The following VRK2 variants were observed in gnomAD, a reference collection of about 807,000 sequenced individuals.
VRK2 encodes the protein VRK serine/threonine kinase 2.
Under a neutral mutation model 57.6 loss-of-function variants are expected in VRK2, and 60 were observed. The ratio of observed to expected loss-of-function variants is 1.04; its 90% CI spans 0.85 to 1.29. The LOEUF (loss-of-function observed/expected upper bound fraction) is 1.29. Among genes scored for constraint, VRK2 ranks in the 50% most tolerant of loss-of-function variants. The pLI is 0.00. For synonymous variants in VRK2, 231 were observed against 199.2 expected (o/e 1.16, Z -1.35); for missense variants, 705 against 588.1 (o/e 1.20, Z -2.06).
At chr2:58,107,148 C>T (rs1337098430) in intron 7 of VRK2, among the ~76,000 whole-genome samples, 2 of 150,438 alleles carry the variant, frequency 1.3e-5, no homozygotes, top group African/African-American at 2.4e-5. Flanking sequence ...AGATTTTTGC[C>T]TTATGGTATC....
At chr2:58,130,237 A>C (rs533046297) in intron 8 of VRK2, among the ~76,000 whole-genome samples, 1 of 152,260 alleles carries the variant, frequency 6.6e-6, no homozygotes, top group East Asian at 1.9e-4. Context: ...CATTTTTTGA[A>C]AATTAGAGGA....
intron 7 of VRK2, among the ~76,000 whole-genome samples, chr2:58,104,466 C>CTTTTT (rs943176330): frequency 6.7e-6 from 1 of 150,216 alleles, no homozygotes; most frequent in African/African-American, 2.5e-5. Flanking sequence ...TTTACAGTAA[C>CTTTTT]TAAAAAAATG....
At chr2:57,948,002 T>G (rs994339976) in intron 1 of VRK2, among the ~76,000 whole-genome samples, 1 of 152,218 alleles carries the variant, frequency 6.6e-6, no homozygotes, top group African/African-American at 2.4e-5. Flanking sequence ...AGAGAAATTC[T>G]GACCCATCAC....
At chr2:58,018,499 TTA>T (rs1482810726) in intron 1 of VRK2, among the ~76,000 whole-genome samples, 1 of 152,192 alleles carries the variant, frequency 6.6e-6, no homozygotes, top group East Asian at 1.9e-4. Flanking sequence ...TTCCTCAAAT[TTA>T]TATTTCAAAA....
intron 3 of VRK2, among the ~76,000 whole-genome samples, chr2:58,037,411 C>T (rs1044496646): frequency 6.6e-6 from 1 of 151,944 alleles, no homozygotes; most frequent in African/African-American, 2.4e-5. Flanking sequence ...ACTGAAAGAC[C>T]TTAGAATCTG....
intron 1 of VRK2, among the ~76,000 whole-genome samples, chr2:58,004,240 A>C (rs1389352982): frequency 6.6e-6 from 1 of 152,032 alleles, no homozygotes; most frequent in Non-Finnish European, 1.5e-5. Flanking sequence ...TGGGACTATA[A>C]TATGCTTTTA....
chr2:58,023,617 C>T (rs1266023324), intron 1 of VRK2, among the ~76,000 whole-genome samples: 1 of 152,116 alleles, frequency 6.6e-6, no homozygotes, highest in African/African-American at 2.4e-5. Flanking sequence ...AATAAAATGT[C>T]TGCAATTAAA....
At chr2:58,001,162 C>A (rs914863670) in intron 1 of VRK2, among the ~76,000 whole-genome samples, 14 of 152,086 alleles carry the variant, frequency 9.2e-5, no homozygotes, top group African/African-American at 3.4e-4. Flanking sequence ...GTAGGATAAA[C>A]CGAACTATTT....
At chr2:57,928,685 G>A (rs1670621287) in intron 1 of VRK2, among the ~76,000 whole-genome samples, 1 of 152,062 alleles carries the variant, frequency 6.6e-6, no homozygotes, top group East Asian at 1.9e-4. Flanking sequence ...TCTTTGGAAG[G>A]CTTTCTCAGT....
chr2:58,055,643 C>T (rs1676408721), intron 2 of VRK2, among the ~76,000 whole-genome samples: 1 of 152,160 alleles, frequency 6.6e-6, no homozygotes, highest in Non-Finnish European at 1.5e-5. Context: ...AGATCTTCAA[C>T]CTGCTGCAGT....
intron 1 of VRK2, among the ~76,000 whole-genome samples, chr2:57,913,062 C>G (rs542442231): frequency 1.3e-5 from 2 of 152,276 alleles, no homozygotes; most frequent in East Asian, 3.9e-4. Flanking sequence ...TCTCAGCCAG[C>G]AGGACTGTGA....
chr2:58,083,950 C>G, intron 2 of VRK2, 139 bp from the exon 3 acceptor site: 2 of 813,356 alleles, frequency 2.5e-6, no homozygotes, highest in Non-Finnish European at 1.8e-6. Flanking sequence ...ATGATTGATT[C>G]CTACTACCAT....
chr2:58,041,279 A>C (rs1266744823), intron 3 of VRK2, among the ~76,000 whole-genome samples: 2 of 152,190 alleles, frequency 1.3e-5, no homozygotes, highest in Non-Finnish European at 2.9e-5. Context: ...AATATGCTTA[A>C]AAATTTTTTA....
At chr2:58,073,301 C>T (rs1286951240) in intron 2 of VRK2, among the ~76,000 whole-genome samples, 2 of 151,932 alleles carry the variant, frequency 1.3e-5, no homozygotes, top group Non-Finnish European at 2.9e-5. Context: ...ATGAGGTATT[C>T]TGTAAATACC....
At chr2:58,130,595 G>A (rs1274830525) in intron 8 of VRK2, among the ~76,000 whole-genome samples, 1 of 152,178 alleles carries the variant, frequency 6.6e-6, no homozygotes, top group African/African-American at 2.4e-5. Flanking sequence ...ACCAAAAGTA[G>A]TTACGATGTG....
intron 11 of VRK2, among the ~76,000 whole-genome samples, chr2:58,141,631 T>C (rs1481862896): frequency 1.3e-5 from 2 of 152,028 alleles, no homozygotes; most frequent in East Asian, 3.8e-4. Context: ...ATTTATTTAT[T>C]TATTATAGTA....
chr2:58,044,361 T>C (rs1674587076), upstream of VRK2, among the ~76,000 whole-genome samples: 1 of 152,204 alleles, frequency 6.6e-6, no homozygotes, highest in Non-Finnish European at 1.5e-5. Flanking sequence ...TCTAAACCAA[T>C]CATGGGAATT....
intron 2 of VRK2, among the ~76,000 whole-genome samples, chr2:58,077,623 A>T (rs566500407): frequency 1.3e-5 from 2 of 152,178 alleles, no homozygotes; most frequent in East Asian, 3.9e-4. Context: ...AGATATTTCC[A>T]TAATAATCAA....
chr2:58,001,910 T>A (rs758962592), intron 1 of VRK2, among the ~76,000 whole-genome samples: 1 of 152,158 alleles, frequency 6.6e-6, no homozygotes, highest in Admixed American at 6.5e-5. Context: ...TTTTTAGTTA[T>A]CTACAATATT....
Sources: gnomAD v4.1 joint callset for allele counts (sites outside exome capture counted in the v4.1 genomes callset) on GRCh38, gnomAD v4.1.1 for gene constraint, MANE v1.5 for transcripts, NCBI Gene and HGNC (gene_info 2026-07-23, HGNC 2026-07-21) for gene names.